The following SYT1 variants were observed in gnomAD, a reference collection of about 807,000 sequenced individuals.
SYT1 encodes the protein synaptotagmin-1.
SYT1 carries 8 observed loss-of-function variants against 44.8 expected under a neutral mutation model. The observed-to-expected ratio is 0.18, with a 90% CI of 0.10 to 0.32. SYT1 has a LOEUF of 0.32. SYT1 is among the 10% of genes least tolerant of loss of function. The pLI, the probability that SYT1 is intolerant of heterozygous loss-of-function variation, is 1.00. For synonymous variants in SYT1, 154 were observed against 188.8 expected, an observed-to-expected ratio of 0.82 and a Z score of 1.51; for missense variants, 286 against 509.3, an observed-to-expected ratio of 0.56 and a Z score of 4.22.
At chr12:78,985,863 A>G (rs1405647847) in intron 2 of SYT1, among the ~76,000 whole-genome samples, 1 of 152,038 alleles carries the variant, frequency 6.6e-6, no homozygotes, top group Non-Finnish European at 1.5e-5. Flanking sequence ...CATCCAATAA[A>G]CTGTAGTTAG....
intron 8 of SYT1, among the ~76,000 whole-genome samples, chr12:79,324,140 C>T (rs1287258454): frequency 2.0e-5 from 3 of 151,690 alleles, no homozygotes; most frequent in South Asian, 2.1e-4. Flanking sequence ...TTAGTAGAAA[C>T]GGGGTTTCAC....
At chr12:78,988,987 A>T (rs1170966579) in intron 2 of SYT1, among the ~76,000 whole-genome samples, 2 of 152,062 alleles carry the variant, frequency 1.3e-5, no homozygotes, top group Non-Finnish European at 2.9e-5. Flanking sequence ...TAGACTTGAG[A>T]TATGTTTTTA....
intron 3 of SYT1, among the ~76,000 whole-genome samples, chr12:79,160,821 G>T (rs1406853608): frequency 6.6e-6 from 1 of 152,080 alleles, no homozygotes; most frequent in African/African-American, 2.4e-5. Flanking sequence ...AAAATATAAA[G>T]AAATAGTAAA....
At chr12:79,081,563 G>A (rs1055932937) in intron 3 of SYT1, among the ~76,000 whole-genome samples, 2 of 151,752 alleles carry the variant, frequency 1.3e-5, no homozygotes, top group African/African-American at 4.8e-5. Context: ...ATTTTTTAGT[G>A]GAGACGGGTT....
intron 8 of SYT1, among the ~76,000 whole-genome samples, chr12:79,346,760 C>T (rs542968121): frequency 1.3e-5 from 2 of 152,252 alleles, no homozygotes; most frequent in African/African-American, 2.4e-5. Context: ...AACATCAGTG[C>T]TATTTACAAA....
intron 6 of SYT1, among the ~76,000 whole-genome samples, chr12:79,293,011 T>C (rs1283732238): frequency 6.6e-6 from 1 of 151,902 alleles, no homozygotes; most frequent in Non-Finnish European, 1.5e-5. Flanking sequence ...GAGACCAGGT[T>C]TTTAAAAATC....
chr12:79,059,155 A>C (rs1875186723), intron 3 of SYT1, among the ~76,000 whole-genome samples: 1 of 151,964 alleles, frequency 6.6e-6, no homozygotes, highest in South Asian at 2.1e-4. Flanking sequence ...AAACCATCAG[A>C]TCTCATGAGA....
At chr12:78,995,552 A>G (rs78079540) in intron 2 of SYT1, among the ~76,000 whole-genome samples, 46 of 152,348 alleles carry the variant, frequency 3.0e-4, no homozygotes, top group African/African-American at 1.1e-3. Context: ...AGCAGTCTCA[A>G]GAGCTTTCAT....
At chr12:79,222,536 C>A (rs934552557) in intron 4 of SYT1, among the ~76,000 whole-genome samples, 3 of 152,072 alleles carry the variant, frequency 2.0e-5, no homozygotes, top group African/African-American at 7.2e-5. Flanking sequence ...TGTCCACCAC[C>A]ATGCCCAGCT....
intron 1 of SYT1, among the ~76,000 whole-genome samples, chr12:78,894,093 T>C (rs1875207601): frequency 6.6e-6 from 1 of 151,406 alleles, no homozygotes; most frequent in African/African-American, 2.4e-5. Flanking sequence ...AAAAAGATTC[T>C]GATAATTGTA....
At chr12:78,881,653 G>A (rs1004091928) in intron 1 of SYT1, among the ~76,000 whole-genome samples, 6 of 151,634 alleles carry the variant, frequency 4.0e-5, no homozygotes, top group Non-Finnish European at 8.8e-5. Flanking sequence ...TATGCTTTGG[G>A]GAGAGTAAGC....
chr12:79,254,158 C>G (rs1719104481), intron 4 of SYT1, among the ~76,000 whole-genome samples: 1 of 152,130 alleles, frequency 6.6e-6, no homozygotes, highest in Non-Finnish European at 1.5e-5. Context: ...ACTTTCATAG[C>G]TAGAGAGAAG....
intron 9 of SYT1, among the ~76,000 whole-genome samples, chr12:79,358,667 T>C (rs2136018720): frequency 6.6e-6 from 1 of 152,260 alleles, no homozygotes; most frequent in East Asian, 1.9e-4. Context: ...CAGAGGACTT[T>C]CTAATATAGC....
At chr12:78,973,833 T>C (rs1346976651) in intron 1 of SYT1, among the ~76,000 whole-genome samples, 1 of 146,258 alleles carries the variant, frequency 6.8e-6, no homozygotes, top group Admixed American at 6.9e-5. Context: ...GTCCTAGACA[T>C]GTAGCAAAAA....
At chr12:79,000,076 A>G (rs1259616571) in intron 2 of SYT1, among the ~76,000 whole-genome samples, 3 of 152,162 alleles carry the variant, frequency 2.0e-5, no homozygotes, top group Non-Finnish European at 2.9e-5. Context: ...AGAATATAGG[A>G]CAGACAACAT....
intron 9 of SYT1, among the ~76,000 whole-genome samples, chr12:79,410,506 C>CAAAAAAAAAAAAAAAAAAAAAAAAGA (rs5799432): frequency 1.3e-5 from 1 of 75,916 alleles, no homozygotes; most frequent in Non-Finnish European, 2.4e-5. Flanking sequence ...TGTTCAAAGT[C>CAAAAAAAAAAAAAAAAAAAAAAAAGA]AAAAAAAAAA....
intron 9 of SYT1, among the ~76,000 whole-genome samples, chr12:79,368,708 G>A (rs1883658745): frequency 1.3e-5 from 2 of 151,664 alleles, no homozygotes; most frequent in Admixed American, 1.3e-4. Flanking sequence ...TTTGAGAAGT[G>A]TCTGTTCATG....
At chr12:78,968,507 A>G (rs1238376524) in intron 1 of SYT1, among the ~76,000 whole-genome samples, 3 of 152,174 alleles carry the variant, frequency 2.0e-5, no homozygotes, top group Admixed American at 2.0e-4. Context: ...ATTTCATTGA[A>G]AGTTCATCTG....
At chr12:79,308,622 AAGAAAG>A in intron 8 of SYT1, among the ~76,000 whole-genome samples, 1 of 33,158 alleles carries the variant, frequency 3.0e-5, no homozygotes, top group Non-Finnish European at 6.2e-5. Context: ...AAAAGAAAGA[AAGAAAG>A]AAAGAAAGAA....
Sources: gnomAD v4.1 joint callset for allele counts (sites outside exome capture counted in the v4.1 genomes callset) on GRCh38, gnomAD v4.1.1 for gene constraint, MANE v1.5 for transcripts, NCBI Gene and HGNC (gene_info 2026-07-23, HGNC 2026-07-21) for gene names.